Variants in COL11A1 observed in about 807,000 individuals in gnomAD.
The protein encoded by COL11A1 is collagen alpha-1(XI) chain.
In COL11A1, 74 loss-of-function variants were observed where a neutral mutation model predicts 265.2. That is an observed-to-expected ratio of 0.28 (90% CI 0.23 to 0.34). COL11A1 has a LOEUF of 0.34. Among genes scored for constraint, COL11A1 ranks in the 10% least tolerant of loss-of-function variants. The probability of loss-of-function intolerance (pLI) is 1.00; values close to 1 mark genes in which losing one functional copy is unlikely to be tolerated. For missense variants in COL11A1, 2,165 were observed against 2,263.6 expected, an observed-to-expected ratio of 0.96 and a Z score of 0.88; for synonymous variants, 816 against 727.6, an observed-to-expected ratio of 1.12 and a Z score of -1.96.
intron 1 of COL11A1, among the ~76,000 whole-genome samples, chr1:103,089,281 G>A (rs1190541162): frequency 1.3e-5 from 2 of 152,148 alleles, no homozygotes; most frequent in African/African-American, 4.8e-5. Flanking sequence ...CAACCTTTTA[G>A]TGTAAACCTA....
intron 47 of COL11A1, 100 bp downstream of exon 47, chr1:102,923,236 T>A: frequency 1.0e-6 from 1 of 977,634 alleles, no homozygotes; most frequent in Non-Finnish European, 1.6e-6. Flanking sequence ...TACACCTCAA[T>A]AATATATACA....
At chr1:102,892,635 G>A (rs1239814131) in intron 57 of COL11A1, among the ~76,000 whole-genome samples, 2 of 152,150 alleles carry the variant, frequency 1.3e-5, no homozygotes, top group Non-Finnish European at 2.9e-5. Flanking sequence ...AGTTTCTGAA[G>A]CCTGCTTCTC....
intron 66 of COL11A1, among the ~76,000 whole-genome samples, chr1:102,878,728 T>C (rs532272687): frequency 3.3e-5 from 5 of 151,524 alleles, no homozygotes; most frequent in African/African-American, 1.2e-4. Context: ...AGGCTGGTCT[T>C]GAACTCCTGA....
intron 54 of COL11A1, among the ~76,000 whole-genome samples, chr1:102,899,371 C>T (rs1056668209): frequency 1.3e-5 from 2 of 151,772 alleles, no homozygotes; most frequent in African/African-American, 4.8e-5. Context: ...TACTTTTATT[C>T]TCATATGTGT....
chr1:102,978,676 C>A (rs1662735311), intron 35 of COL11A1, 32 bp downstream of exon 35: 2 of 1,608,886 alleles, frequency 1.2e-6, no homozygotes, highest in South Asian at 2.2e-5. Flanking sequence ...TACTAATTTT[C>A]ATTTTATATT....
At chr1:103,034,467 G>A (rs969757587) in intron 4 of COL11A1, among the ~76,000 whole-genome samples, 1 of 151,680 alleles carries the variant, frequency 6.6e-6, no homozygotes, top group African/African-American at 2.4e-5. Flanking sequence ...CAAATTCTTT[G>A]TTGAACTTCT....
At chr1:102,928,591 A>C (rs1435556807) in intron 46 of COL11A1, among the ~76,000 whole-genome samples, 1 of 152,088 alleles carries the variant, frequency 6.6e-6, no homozygotes, top group African/African-American at 2.4e-5. Context: ...ATGATTTCTA[A>C]TCCTTTGCAT....
At chr1:103,021,551 A>G (rs539367856) in intron 9 of COL11A1, among the ~76,000 whole-genome samples, 156 bp downstream of exon 9, 1 of 152,294 alleles carries the variant, frequency 6.6e-6, no homozygotes, top group African/African-American at 2.4e-5. Flanking sequence ...TCCTTTCTAG[A>G]CAAGACCTTA....
chr1:103,056,218 G>A (rs1670235899), intron 4 of COL11A1, among the ~76,000 whole-genome samples: 1 of 152,100 alleles, frequency 6.6e-6, no homozygotes. Context: ...GAAAGTGTAC[G>A]GGAATCTGAG....
chr1:102,898,973 C>A lies in COL11A1; in HGVS notation c.4108G>T (p.Ala1370Ser). The A allele has an allele frequency of 6.5e-7, 1 of 1,544,854 alleles. No homozygotes were observed. Among genetic ancestry groups the A allele is most frequent in the East Asian group, 2.3e-5 (1 of 43,072 alleles). ...CCTTTTTCACCTTGTCTTCCCTCTG[C>A]ACCTGCAGCTCCAGGAGGACCCTAT... Reference protein sequence around the residue: ...GKRGPPGAAGAEGRQGEKGAK... With the variant: ...GKRGPPGAAGSEGRQGEKGAK... Residue 1370 changes from alanine to serine, a missense_variant, in exon 55 of 67, where the codon GCA becomes TCA. Physicochemically the swap from Ala to Ser is moderately conservative, Grantham distance 99. Coordinates refer to ENST00000370096, the MANE Select transcript of COL11A1 (RefSeq NM_001854.4).
chr1:103,043,200 CAT>C (rs1193214170), intron 4 of COL11A1, among the ~76,000 whole-genome samples: 18 of 124,920 alleles, frequency 1.4e-4, no homozygotes, highest in African/African-American at 5.2e-4. Flanking sequence ...ATATGAAATA[CAT>C]CATATATATG....
chr1:102,986,741 A>G (rs1393751682), intron 30 of COL11A1, among the ~76,000 whole-genome samples: 4 of 152,160 alleles, frequency 2.6e-5, no homozygotes, highest in Admixed American at 6.5e-5. Flanking sequence ...TATAACATGA[A>G]GTCAAATTTC....
rs1204675708 is a variant in COL11A1 at position 102,887,017 on chromosome 1, A to G, written c.4648T>C (p.Ser1550Pro). The change falls in exon 63 of 67, where the codon TCC (serine) becomes CCC (proline). Residue 1550 changes from serine to proline, a missense_variant. By Grantham distance (74) the Ser-to-Pro change is moderately conservative. Transcript: ENST00000370096. Reference sequence around the variant, plus strand: ...GTATGTCTTCTCGTTTTTTTGGAGGACAAGATTGGTAAAGGCTGAATGACT... The same window carrying G: ...GTATGTCTTCTCGTTTTTTTGGAGGGCAAGATTGGTAAAGGCTGAATGACT... ...GEVIQPLPILSSKKTRRHTEG... is the reference protein window; with the variant it reads ...GEVIQPLPILPSKKTRRHTEG... 3 of 1,613,726 alleles carry G rather than the reference A, an allele frequency of 1.9e-6. No homozygotes were observed. The African/African-American group carries it at 4.0e-5, about 22-fold the overall frequency.
intron 4 of COL11A1, among the ~76,000 whole-genome samples, chr1:103,056,313 C>T (rs1449524578): frequency 1.3e-5 from 2 of 152,120 alleles, no homozygotes; most frequent in African/African-American, 4.8e-5. Flanking sequence ...GCATGTGTAA[C>T]AGACCCAAAC....
chr1:102,882,394 AG>A (rs1167513398), intron 64 of COL11A1, among the ~76,000 whole-genome samples: 4 of 152,152 alleles, frequency 2.6e-5, no homozygotes, highest in African/African-American at 9.6e-5. Flanking sequence ...TCTGGAGGCT[AG>A]GGGAGCTTTA....
chr1:102,968,682 G>A (rs557672861), intron 37 of COL11A1, among the ~76,000 whole-genome samples: 60 of 152,276 alleles, frequency 3.9e-4, no homozygotes, highest in African/African-American at 1.2e-3. Context: ...GCTATAGGAC[G>A]ATTCACTATT....
intron 1 of COL11A1, among the ~76,000 whole-genome samples, chr1:103,084,278 T>C (rs1316906951): frequency 6.6e-6 from 1 of 152,166 alleles, no homozygotes; most frequent in African/African-American, 2.4e-5. Flanking sequence ...CAACCTCTTA[T>C]ATACTTTCTG....
At chr1:102,883,675 A>C (rs1049311780) in intron 63 of COL11A1, among the ~76,000 whole-genome samples, 1 of 152,156 alleles carries the variant, frequency 6.6e-6, no homozygotes, top group African/African-American at 2.4e-5. Flanking sequence ...TCCAAATCTC[A>C]TAAGTATTAT....
intron 31 of COL11A1, among the ~76,000 whole-genome samples, chr1:102,982,821 GAGA>G: frequency 2.0e-5 from 3 of 152,146 alleles, no homozygotes; most frequent in Middle Eastern, 6.8e-3. Context: ...CATATTCAGG[GAGA>G]AGGATATTTT....
Sources: gnomAD v4.1 joint callset for allele counts (sites outside exome capture counted in the v4.1 genomes callset) on GRCh38, gnomAD v4.1.1 for gene constraint, MANE v1.5 for transcripts, NCBI Gene and HGNC (gene_info 2026-07-23, HGNC 2026-07-21) for gene names.